Variants in RHBDF2 observed in about 807,000 individuals in gnomAD.
The protein encoded by RHBDF2 is inactive rhomboid protein 2.
In RHBDF2, 38 loss-of-function variants were observed where a neutral mutation model predicts 95.2. The observed-to-expected ratio is 0.40, with a 90% confidence interval of 0.31 to 0.52. The LOEUF (loss-of-function observed/expected upper bound fraction) is 0.52. Among genes scored for constraint, RHBDF2 ranks in the 20% least tolerant of loss-of-function variants. The pLI is 0.56. For missense variants in RHBDF2, 863 were observed against 1,137.7 expected, an observed-to-expected ratio of 0.76 and a Z score of 3.47; for synonymous variants, 442 against 462.0, an observed-to-expected ratio of 0.96 and a Z score of 0.55.
intron 18 of RHBDF2, 141 bp from the exon 19 acceptor site, chr17:76,472,193 G>C: frequency 1.3e-6 from 1 of 784,444 alleles, no homozygotes; most frequent in Non-Finnish European, 2.0e-6. Context: ...GGGTCGGCTG[G>C]AGCTGCTGGA....
chr17:76,479,653 C>A, intron 4 of RHBDF2, 80 bp downstream of exon 4: 1 of 1,112,492 alleles, frequency 9.0e-7, no homozygotes, highest in Admixed American at 1.9e-5. Context: ...ACGCAGGGAC[C>A]AGGCCCAATC....
chr17:76,474,177 G>T, intron 12 of RHBDF2, 35 bp from the exon 13 acceptor site: 2 of 1,481,284 alleles, frequency 1.4e-6, no homozygotes, highest in African/African-American at 1.4e-5. Flanking sequence ...GGTCATGTCG[G>T]GGCCAGGTCA....
At chr17:76,495,316 A>T (rs1799841698) in intron 1 of RHBDF2, among the ~76,000 whole-genome samples, 1 of 152,142 alleles carries the variant, frequency 6.6e-6, no homozygotes, top group Non-Finnish European at 1.5e-5. Flanking sequence ...TGTCCCATGT[A>T]CACAGACAGG....
At chr17:76,472,128 C>G (rs2073591841) in intron 18 of RHBDF2, 76 bp from the exon 19 acceptor site, 1 of 1,384,712 alleles carries the variant, frequency 7.2e-7, no homozygotes, top group Non-Finnish European at 9.6e-7. Context: ...CTGGGTCATC[C>G]CATCGATCAG....
chr17:76,482,968 G>A (rs556915059), intron 2 of RHBDF2, among the ~76,000 whole-genome samples: 3 of 152,084 alleles, frequency 2.0e-5, no homozygotes, highest in Non-Finnish European at 2.9e-5. Context: ...TCAGGAGTTC[G>A]AGACTAGCCT....
At chr17:76,501,163 G>C (rs1474623167) in intron 1 of RHBDF2, 190 bp downstream of exon 1, 1 of 152,218 alleles carries the variant, frequency 6.6e-6, no homozygotes, top group Admixed American at 6.5e-5. Flanking sequence ...GGCGCCGTCT[G>C]AGCCAGCCCG....
At chr17:76,491,975 C>T (rs1955223253) in intron 1 of RHBDF2, among the ~76,000 whole-genome samples, 1 of 152,212 alleles carries the variant, frequency 6.6e-6, no homozygotes, top group Non-Finnish European at 1.5e-5. Context: ...TCCTCCTGGC[C>T]CGCAGTCACA....
chr17:76,477,240 T>C lies in RHBDF2; in HGVS notation c.860A>G (p.Tyr287Cys). ...GGCTGAGTGTGGGATCCCTCGGAAG[T>C]AGCTGGCAGAGAGTGGGGGGGACTC... Reference protein sequence around the residue: ...VFESPPLSASYFRGIPHSASP... With the variant: ...VFESPPLSASCFRGIPHSASP... Residue 287 changes from tyrosine (Y) to cysteine (C), a missense_variant, in exon 8 of 19, where the codon TAC becomes TGC. By Grantham distance (194) the Tyr-to-Cys change is radical (BLOSUM62 -2). This residue lies in a region of RHBDF2 where 611 missense variants were observed against 725.5 expected (regional missense o/e 0.84). Coordinates refer to ENST00000675367, the MANE Select transcript of RHBDF2 (RefSeq NM_001005498.4). The C allele has an allele frequency of 6.2e-7, 1 of 1,608,108 alleles. No individual in the cohort carries two copies. The highest frequency in any genetic ancestry group is 8.5e-7 in the Non-Finnish European group (1 of 1,178,300).
At chr17:76,476,097 G>C (rs189733550) in intron 9 of RHBDF2, 1 of 145,242 alleles carries the variant, frequency 6.9e-6, no homozygotes, top group East Asian at 2.1e-4. Flanking sequence ...TAGTAGAGAT[G>C]GGGTTTCACC....
At chr17:76,495,993 C>T (rs1014195265) in intron 1 of RHBDF2, among the ~76,000 whole-genome samples, 28 of 152,090 alleles carry the variant, frequency 1.8e-4, no homozygotes, top group South Asian at 6.2e-4. Flanking sequence ...CACCTTGCTT[C>T]GGGGCAGCGT....
rs374104312 is a variant in RHBDF2, at chr17:76,486,718, T to TATAAATAAATAAATAA, written c.-22+978_-22+993dup. ...AACAGAGTGAGACCCTGTCTCAAAA[T>TATAAATAAATAAATAA]ATAAATAAATAAATAAAAACACTGA... On this transcript the variant is annotated intron_variant, in intron 2 of 18. Transcript: ENST00000675367. Among the ~76,000 whole-genome samples the TATAAATAAATAAATAA allele has an allele frequency of 4.9e-3, 712 of 146,210 alleles. 9 individuals are homozygous for TATAAATAAATAAATAA. The highest frequency in any genetic ancestry group is 0.016 in the African/African-American group (627 of 39,416).
intron 1 of RHBDF2, among the ~76,000 whole-genome samples, chr17:76,497,174 G>C (rs893775606): frequency 6.6e-6 from 1 of 152,022 alleles, no homozygotes; most frequent in African/African-American, 2.4e-5. Context: ...CCACCTGCTG[G>C]CACAGGGTTG....
At chr17:76,499,323 C>T (rs963274824) in intron 1 of RHBDF2, among the ~76,000 whole-genome samples, 5 of 152,176 alleles carry the variant, frequency 3.3e-5, no homozygotes, top group Admixed American at 3.3e-4. Context: ...GTGGCCCCAG[C>T]TCCTGGGCAT....
intron 18 of RHBDF2, chr17:76,472,485 A>T (rs763931376): frequency 7.2e-5 from 50 of 689,972 alleles, no homozygotes; most frequent in Admixed American, 1.5e-4. Flanking sequence ...GTGGAGGGAC[A>T]GGGTGACTCA....
intron 2 of RHBDF2, among the ~76,000 whole-genome samples, chr17:76,485,009 C>T (rs1246086905): frequency 6.6e-6 from 1 of 152,266 alleles, no homozygotes; most frequent in African/African-American, 2.4e-5. Flanking sequence ...CAGTGGCTCA[C>T]GCCTGTAATC....
chr17:76,500,402 C>T (rs976874138), intron 1 of RHBDF2, among the ~76,000 whole-genome samples: 4 of 152,196 alleles, frequency 2.6e-5, no homozygotes, highest in Non-Finnish European at 5.9e-5. Context: ...GCCTCCCTTT[C>T]CACTGCCTGC....
chr17:76,481,952 A>AACACACACACACACACACAC (rs563875703), intron 2 of RHBDF2: 46 of 129,390 alleles, frequency 3.6e-4, no homozygotes, highest in Admixed American at 1.7e-3. Context: ...TCTGTCTGAA[A>AACACACACACACACACACAC]ACACACACAC....
chr17:76,474,016 GAGGCTCC>G lies in RHBDF2; in HGVS notation c.1574+10_1574+16del. 6.2e-7 allele frequency: 1 copy of G among 1,608,540 alleles called. No homozygotes were observed. The highest frequency in any genetic ancestry group is 2.2e-5 in the East Asian group (1 of 44,862). The stretch of plus-strand genomic sequence containing the variant: ...CTATGCCTGACCCTGAGGCCCAGCA[GAGGCTCC>G]AGGCCCTACCTGGGGTCCTGGTGGC... On this transcript the variant is annotated intron_variant, in intron 13 of 18. Coordinates refer to ENST00000675367, the MANE Select transcript of RHBDF2 (RefSeq NM_001005498.4).
At chr17:76,486,856 C>T (rs2074143380) in intron 2 of RHBDF2, among the ~76,000 whole-genome samples, 1 of 152,038 alleles carries the variant, frequency 6.6e-6, no homozygotes, top group African/African-American at 2.4e-5. Context: ...CAGACCATCA[C>T]ACAGAGGAGG....
Sources: gnomAD v4.1 joint callset for allele counts (sites outside exome capture counted in the v4.1 genomes callset) on GRCh38, gnomAD v4.1.1 for gene constraint, gnomAD v4.1.1 regional missense constraint, MANE v1.5 for transcripts, NCBI Gene and HGNC (gene_info 2026-07-23, HGNC 2026-07-21) for gene names.